TMPPE: variants seen among roughly 807,000 people sequenced by gnomAD.
TMPPE encodes transmembrane protein with metallophosphoesterase domain.
TMPPE carries 16 observed loss-of-function variants against 22.6 expected under a neutral mutation model. The ratio of observed to expected loss-of-function variants is 0.71; its 90% CI spans 0.48 to 1.08. The LOEUF (loss-of-function observed/expected upper bound fraction) is 1.08. TMPPE is among the 50% of genes least tolerant of loss of function. The pLI is 0.00. For synonymous variants in TMPPE, 240 were observed against 245.3 expected, an observed-to-expected ratio of 0.98 and a Z score of 0.20; for missense variants, 526 against 584.3, an observed-to-expected ratio of 0.90 and a Z score of 1.03.
In TMPPE at chr3:33,093,275, A is replaced by C; in HGVS notation, c.921T>G (p.Ile307Met). ...CACCACGTTGGGCCCGTGTGGCGGA[A>C]ATCTTCACGTTCTCATTATGAAGAG... ...VQPLHNENVK[I>M]SATRAQRGGG... The change falls in exon 2 of 2, where the codon ATT (isoleucine) becomes ATG (methionine). Residue 307 changes from isoleucine to methionine, a missense_variant. Physicochemically the swap from Ile to Met is conservative, Grantham distance 10. Coordinates refer to ENST00000342462, the MANE Select transcript of TMPPE (RefSeq NM_001039770.3). This position sits in a 1 kb window ranked among gnomAD's most constrained non-coding sequence, Gnocchi z 6.0. 1 of 1,614,160 alleles carries C rather than the reference A, an allele frequency of 6.2e-7. No homozygotes were observed. Among genetic ancestry groups the C allele is most frequent in the African/African-American group, 1.3e-5 (1 of 75,050 alleles).
Position 33,093,615 on chromosome 3 carries a change from T to A in TMPPE, c.581A>T (p.Glu194Val). Reference protein sequence around the residue: ...AAQPPAVKTVEVPIHQLPASM... With the variant: ...AAQPPAVKTVVVPIHQLPASM... ...GGCAGGCAGCTGATGGATGGGCACC[T>A]CCACAGTTTTCACAGCCGGGGGCTG... is the stretch of plus-strand genomic sequence containing the variant. The change falls in exon 2 of 2, where the codon GAG becomes GTG. Residue 194 changes from glutamate to valine, a missense_variant. By Grantham distance (121) the Glu-to-Val change is moderately radical (BLOSUM62 -2). Transcript: ENST00000342462. This position sits in a 1 kb window ranked among gnomAD's most constrained non-coding sequence, Gnocchi z 6.0. 1 of 1,614,120 alleles carries A rather than the reference T, an allele frequency of 6.2e-7. No individual in the cohort carries two copies. Among genetic ancestry groups the A allele is most frequent in the South Asian group, 1.1e-5 (1 of 91,076 alleles).
chr3:33,094,909 T>C (rs533287677), intron 1 of TMPPE, among the ~76,000 whole-genome samples: 1 of 152,296 alleles, frequency 6.6e-6, no homozygotes, highest in Non-Finnish European at 1.5e-5. Flanking sequence ...TCTTAACAAA[T>C]AGTTTAAAAT....
In TMPPE at chr3:33,092,262, G is replaced by A. The variant is rs1700795777; in HGVS notation, c.*572C>T. 2.0e-6 allele frequency: 2 copies of A among 985,742 alleles called. No homozygotes were observed. The highest frequency in any genetic ancestry group is 4.7e-5 in the South Asian group (1 of 21,296). The allele number at this position is 985,742 out of a possible 1,614,324, so 61.1% of individuals were successfully genotyped here. On this transcript the variant is annotated 3_prime_UTR_variant, in exon 2 of 2. Coordinates refer to ENST00000342462, the MANE Select transcript of TMPPE (RefSeq NM_001039770.3). ...TTGCATTCCAGTAGATTTTGCTGAT[G>A]CCCTCAATAGAGGTGATCCTGATAG...
chr3:33,093,706 G>T lies in TMPPE; in HGVS notation c.490C>A (p.Leu164Ile). ...ACTCCCACTGCCAGGGCAGGCCTGA[G>T]CACGAGCTTCCTTGTCTTCTCAAGG... ...GSLEKTRKLVLRPALAVGVTA... is the reference protein window; with the variant it reads ...GSLEKTRKLVIRPALAVGVTA... Residue 164 changes from leucine to isoleucine, a missense_variant, in exon 2 of 2, where the codon CTC (leucine) becomes ATC (isoleucine). Physicochemically the swap from Leu to Ile is conservative, Grantham distance 5 (BLOSUM62 2). Coordinates refer to ENST00000342462, the MANE Select transcript of TMPPE (RefSeq NM_001039770.3). This position sits in a 1 kb window ranked among gnomAD's most constrained non-coding sequence, Gnocchi z 6.0. The T allele has an allele frequency of 6.2e-7, 1 of 1,614,174 alleles. No individual in the cohort carries two copies. The highest frequency in any genetic ancestry group is 8.5e-7 in the Non-Finnish European group (1 of 1,180,004).
Position 33,096,807 on chromosome 3 carries a change from GAA to G in TMPPE, c.-199_-198del. On this transcript the variant is annotated 5_prime_UTR_variant, in exon 1 of 2. Transcript: ENST00000342462. The stretch of plus-strand genomic sequence containing the variant: ...AACGCACAAGCGACCGAGCTGCCTG[GAA>G]GGACGCGCGCCCCGCCCGGCCCGCC... 1 of 1,360,522 alleles carries G rather than the reference GAA, an allele frequency of 7.4e-7. No individual in the cohort carries two copies. The highest frequency in any genetic ancestry group is 1.5e-5 in the African/African-American group (1 of 64,584). 84.3% of individuals were successfully genotyped at this position (1,360,522 alleles called of 1,614,324 possible). A position where few individuals can be genotyped will look rare whatever the true frequency, so the allele number is the denominator to read the frequency against.
In TMPPE at chr3:33,094,051, CA is replaced by C; in HGVS notation, c.144del (p.Ala49ProfsTer20). 8.7e-6 allele frequency: 14 copies of C among 1,614,258 alleles called. No homozygotes were observed. Among genetic ancestry groups the C allele is most frequent in the Non-Finnish European group, 1.2e-5 (14 of 1,180,052 alleles). Reference sequence around the variant, plus strand: ...AGCAAGAGCGAGTTGACAAACAGGGCAAGCTGCAAGCGAAGCAGCCAACGCC... The same window carrying C: ...AGCAAGAGCGAGTTGACAAACAGGGCAGCTGCAAGCGAAGCAGCCAACGCC... ...RAWRWLLRLQ[L>X]ALFVNSLLLI... is the part of the protein sequence containing the mutation. On this transcript the variant is annotated frameshift_variant, in exon 2 of 2. Coordinates refer to ENST00000342462, the MANE Select transcript of TMPPE (RefSeq NM_001039770.3). LOFTEE classifies it high-confidence loss of function.
In TMPPE at chr3:33,093,706, G is replaced by A. The variant is rs781708328; in HGVS notation, c.490C>T (p.Leu164Phe). The part of the protein sequence containing the change: ...GSLEKTRKLV[L>F]RPALAVGVTA... ...ACTCCCACTGCCAGGGCAGGCCTGA[G>A]CACGAGCTTCCTTGTCTTCTCAAGG... is the stretch of plus-strand genomic sequence containing the variant. The change falls in exon 2 of 2, where the codon CTC becomes TTC. Residue 164 changes from leucine (L) to phenylalanine (F), a missense_variant. Coordinates refer to ENST00000342462, the MANE Select transcript of TMPPE (RefSeq NM_001039770.3). The surrounding 1 kb of genome is among the most constrained non-coding windows in gnomAD (Gnocchi z 6.0). 7 of 1,614,056 alleles carry A rather than the reference G, an allele frequency of 4.3e-6. No individual in the cohort carries two copies. The South Asian group carries it at 6.6e-5, about 15-fold the overall frequency.
Position 33,093,796 on chromosome 3 carries a change from TGAAGAGGAA to T in TMPPE, c.391_399del (p.Phe131_Phe133del). 1 of 1,613,338 alleles carries T rather than the reference TGAAGAGGAA, an allele frequency of 6.2e-7. No individual in the cohort carries two copies. On this transcript the variant is annotated inframe_deletion, in exon 2 of 2. Transcript: ENST00000342462. This position sits in a 1 kb window ranked among gnomAD's most constrained non-coding sequence, Gnocchi z 6.0. The stretch of plus-strand genomic sequence containing the variant: ...TAGGCCTGCTCCATGCCGCTGAGGA[TGAAGAGGAA>T]GAAGAGCATGATGATGTAAGCACCC...
chr3:33,092,937 GCCTGGGCCAC>G lies in TMPPE; in HGVS notation c.1249_1258del (p.Val417LeufsTer17), dbSNP rs760703415. The G allele has an allele frequency of 1.9e-6, 3 of 1,614,210 alleles. No individual in the cohort carries two copies. In the Admixed American group the frequency reaches 5.0e-5, roughly 27 times the overall value. On this transcript the variant is annotated frameshift_variant, in exon 2 of 2. Coordinates refer to ENST00000342462, the MANE Select transcript of TMPPE (RefSeq NM_001039770.3). LOFTEE classifies it high-confidence loss of function. ...GCCTGGGCTGACATACACGAATGTA[GCCTGGGCCAC>G]CTGGTAGAGACCAGCAAAGAAGGGA...
At position 33,093,600 on chromosome 3, in the gene TMPPE, T is replaced by C; in HGVS notation, c.596A>G (p.Gln199Arg). The change falls in exon 2 of 2, where the codon CAG becomes CGG. Residue 199 changes from glutamine (Q) to arginine (R), a missense_variant. Gln to Arg is a conservative substitution (Grantham distance 43). Transcript: ENST00000342462. The surrounding 1 kb of genome is among the most constrained non-coding windows in gnomAD (Gnocchi z 6.0). ...GAGGTTGTTCATTGAGGCAGGCAGC[T>C]GATGGATGGGCACCTCCACAGTTTT... The part of the protein sequence containing the change: ...AVKTVEVPIH[Q>R]LPASMNNLKI... The C allele has an allele frequency of 6.2e-7, 1 of 1,614,158 alleles. No homozygotes were observed. The highest frequency in any genetic ancestry group is 8.5e-7 in the Non-Finnish European group (1 of 1,180,002).
At chr3:33,095,048 T>C (rs1158891324) in intron 1 of TMPPE, among the ~76,000 whole-genome samples, 1 of 151,900 alleles carries the variant, frequency 6.6e-6, no homozygotes, top group Non-Finnish European at 1.5e-5. Context: ...CTGTCTCTAC[T>C]AAAAATTCAA....
In TMPPE at chr3:33,093,868, C is replaced by T. The variant is rs768128883; in HGVS notation, c.328G>A (p.Glu110Lys). 3.1e-6 allele frequency: 5 copies of T among 1,613,654 alleles called. No homozygotes were observed. The highest frequency in any genetic ancestry group is 4.2e-6 in the Non-Finnish European group (5 of 1,179,878). ...FFTMFFLVAEEPYLFSLAAYS... is the reference protein window; with the variant it reads ...FFTMFFLVAEKPYLFSLAAYS... ...GCCGCCAAGGAAAAGAGATAGGGCT[C>T]TTCGGCCACTAAAAAGAACATGGTA... Residue 110 changes from glutamate to lysine, a missense_variant, in exon 2 of 2, where the codon GAG becomes AAG. Physicochemically the swap from Glu to Lys is moderately conservative, Grantham distance 56. Transcript: ENST00000342462. The surrounding 1 kb of genome is among the most constrained non-coding windows in gnomAD (Gnocchi z 6.0).
chr3:33,095,450 C>G (rs1431846218), intron 1 of TMPPE, among the ~76,000 whole-genome samples: 20 of 152,024 alleles, frequency 1.3e-4, no homozygotes, highest in Non-Finnish European at 2.9e-4. Flanking sequence ...GGCGTGAACC[C>G]TAAAGAAATG....
Position 33,093,173 on chromosome 3 carries a change from G to A in TMPPE, c.1023C>T (p.Ile341=). ...LAGVDDIEAD[I]LHYSGHGMDL... is the part of the protein sequence containing the mutation. ...CCATGCCATGGCCAGAGTAGTGCAG[G>A]ATGTCTGCTTCAATATCGTCCACCC... Residue 341 remains isoleucine, a synonymous_variant, in exon 2 of 2, where the codon ATC becomes ATT. Transcript: ENST00000342462. The surrounding 1 kb of genome is among the most constrained non-coding windows in gnomAD (Gnocchi z 6.0). The A allele has an allele frequency of 1.9e-6, 3 of 1,614,138 alleles. No homozygotes were observed. The highest frequency in any genetic ancestry group is 3.3e-5 in the Admixed American group (2 of 60,018).
Position 33,092,852 on chromosome 3 carries a change from G to A in TMPPE, c.1344C>T (p.Ile448=), listed in dbSNP as rs949776705. The A allele has an allele frequency of 6.2e-7, 1 of 1,607,488 alleles. No individual in the cohort carries two copies. The highest frequency in any genetic ancestry group is 1.3e-5 in the African/African-American group (1 of 74,998). ...LGSRAEITEL[I]LQRSP ...GGCCAGTTCAGGGAGACCGCTGCAGGATGAGCTCTGTGATCTCGGCCCTGC... is the reference window on the plus strand; with the variant it reads ...GGCCAGTTCAGGGAGACCGCTGCAGAATGAGCTCTGTGATCTCGGCCCTGC... The change falls in exon 2 of 2, where the codon ATC becomes ATT. Residue 448 remains isoleucine, a synonymous_variant. Coordinates refer to ENST00000342462, the MANE Select transcript of TMPPE (RefSeq NM_001039770.3).
intron 1 of TMPPE, chr3:33,096,279 G>C: frequency 6.6e-6 from 4 of 608,690 alleles, no homozygotes; most frequent in Non-Finnish European, 8.2e-6. Context: ...GCCTCAGCTC[G>C]GACGCAGCGA....
At chr3:33,094,373 G>GCGA in intron 1 of TMPPE, 70 bp from the exon 2 acceptor site, 1 of 1,371,172 alleles carries the variant, frequency 7.3e-7, no homozygotes, top group Admixed American at 3.2e-5. Context: ...AAACTCAAAG[G>GCGA]CCACTTACAT....
intron 1 of TMPPE, among the ~76,000 whole-genome samples, chr3:33,095,003 G>A (rs1700949779): frequency 6.6e-6 from 1 of 152,084 alleles, no homozygotes; most frequent in Admixed American, 6.5e-5. Flanking sequence ...CTGAGGTCAG[G>A]AGTTCAAGAC....
In TMPPE at chr3:33,094,233, G is replaced by A; in HGVS notation, c.-38C>T. 6.5e-7 allele frequency: 1 copy of A among 1,540,722 alleles called. No homozygotes were observed. The highest frequency in any genetic ancestry group is 8.7e-7 in the Non-Finnish European group (1 of 1,143,170). ...TAGTAGGCTCCCCCACCAGTTCTGT[G>A]CTGGTGGACTCTGGAAATGAGTTCC... On this transcript the variant is annotated 5_prime_UTR_variant, in exon 2 of 2. Coordinates refer to ENST00000342462, the MANE Select transcript of TMPPE (RefSeq NM_001039770.3).
Sources: gnomAD v4.1 joint callset for allele counts (sites outside exome capture counted in the v4.1 genomes callset) on GRCh38, gnomAD v4.1.1 for gene constraint, Gnocchi (gnomAD v3.1) non-coding constraint, MANE v1.5 for transcripts, NCBI Gene and HGNC (gene_info 2026-07-23, HGNC 2026-07-21) for gene names.